The following MPDZ variants were observed in gnomAD, a reference collection of about 807,000 sequenced individuals.
MPDZ encodes the protein multiple PDZ domain protein.
In MPDZ, 234 loss-of-function variants were observed where a neutral mutation model predicts 239.1. The observed-to-expected ratio is 0.98, with a 90% CI of 0.88 to 1.09. The LOEUF (loss-of-function observed/expected upper bound fraction) is 1.09, where lower values mean the gene tolerates loss of function less well. MPDZ is among the 50% of genes least tolerant of loss of function. MPDZ has a pLI of 0.00. For missense variants in MPDZ, 3,175 were observed against 2,510.0 expected, an observed-to-expected ratio of 1.26 and a Z score of -5.66; for synonymous variants, 1,048 against 881.3, an observed-to-expected ratio of 1.19 and a Z score of -3.35.
chr9:13,230,058 A>C (rs1487877486), intron 3 of MPDZ, among the ~76,000 whole-genome samples: 2 of 152,178 alleles, frequency 1.3e-5, no homozygotes, highest in African/African-American at 4.8e-5. Context: ...GAAAGAGGAT[A>C]TATGGCTGGC....
chr9:13,256,062 A>C (rs1472911004), intron 1 of MPDZ, among the ~76,000 whole-genome samples: 1 of 152,158 alleles, frequency 6.6e-6, no homozygotes, highest in Non-Finnish European at 1.5e-5. Context: ...AGCTTTCTGA[A>C]GGCTCTACAT....
intron 39 of MPDZ, 84 bp downstream of exon 39, chr9:13,119,418 A>G: frequency 6.9e-7 from 1 of 1,451,172 alleles, no homozygotes; most frequent in Non-Finnish European, 9.3e-7. Context: ...AGAAGTCATT[A>G]CTAATTTGAC....
At chr9:13,269,573 CCAAAA>C (rs1564172174) in intron 1 of MPDZ, among the ~76,000 whole-genome samples, 2 of 152,096 alleles carry the variant, frequency 1.3e-5, no homozygotes, top group Non-Finnish European at 2.9e-5. Context: ...CCATACTAAA[CCAAAA>C]CAAATGTACC....
At chr9:13,272,768 G>A (rs969948668) in intron 1 of MPDZ, among the ~76,000 whole-genome samples, 2 of 151,310 alleles carry the variant, frequency 1.3e-5, no homozygotes, top group Non-Finnish European at 2.9e-5. Flanking sequence ...ATTCAGGCCT[G>A]ACTTATTAAA....
At position 13,126,837 on chromosome 9, in the gene MPDZ, C is replaced by A. The variant is rs187866874; in HGVS notation, c.4465-65G>T. 5,339 of 1,354,748 alleles carry A rather than the reference C, an allele frequency of 3.9e-3. 15 individuals are homozygous for A. Among genetic ancestry groups the A allele is most frequent in the Non-Finnish European group, 5.2e-3 (4,929 of 948,096 alleles). The allele number at this position is 1,354,748 out of a possible 1,614,324, so 83.9% of individuals were successfully genotyped here. A position where few individuals can be genotyped will look rare whatever the true frequency, so the allele number is the denominator to read the frequency against. On this transcript the variant is annotated intron_variant, in intron 32 of 46. Coordinates refer to ENST00000319217, the MANE Select transcript of MPDZ (RefSeq NM_001378778.1). ...CAGATTAATTTTATCCAAATGGATA[C>A]CAAGGGTAAGAAAAACAACTAAAAC...
chr9:13,202,388 T>C (rs1438092511), intron 12 of MPDZ, among the ~76,000 whole-genome samples: 1 of 152,190 alleles, frequency 6.6e-6, no homozygotes, highest in African/African-American at 2.4e-5. Flanking sequence ...GGCCAGGAGA[T>C]GGCTCCATGA....
At chr9:13,129,211 C>A (rs1022204290) in intron 32 of MPDZ, among the ~76,000 whole-genome samples, 2 of 152,022 alleles carry the variant, frequency 1.3e-5, no homozygotes, top group African/African-American at 4.8e-5. Flanking sequence ...ACCTGTAATC[C>A]CAGCACTTTG....
intron 19 of MPDZ, among the ~76,000 whole-genome samples, chr9:13,181,567 G>A (rs1007993156): frequency 6.6e-6 from 1 of 152,070 alleles, no homozygotes; most frequent in Non-Finnish European, 1.5e-5. Flanking sequence ...TGTCTTCTTT[G>A]TTGTTTTGTA....
chr9:13,225,342 T>C (rs1960218580), intron 3 of MPDZ, among the ~76,000 whole-genome samples: 2 of 152,030 alleles, frequency 1.3e-5, no homozygotes, highest in South Asian at 4.1e-4. Flanking sequence ...TAAGAGTTTT[T>C]TACCTGTCCT....
intron 24 of MPDZ, 129 bp from the exon 25 acceptor site, chr9:13,150,817 A>C: frequency 1.7e-6 from 1 of 575,788 alleles, no homozygotes; most frequent in Non-Finnish European, 2.6e-6. Context: ...AAATAGATAA[A>C]ATGTACTTTA....
Position 13,186,394 on chromosome 9 carries a change from G to T in MPDZ, c.2365-8C>A. The T allele has an allele frequency of 6.6e-7, 1 of 1,521,808 alleles. No individual in the cohort carries two copies. The highest frequency in any genetic ancestry group is 9.0e-7 in the Non-Finnish European group (1 of 1,116,646). 94.3% of individuals were successfully genotyped at this position (1,521,808 alleles called of 1,614,324 possible). A position where few individuals can be genotyped will look rare whatever the true frequency, so the allele number is the denominator to read the frequency against. The stretch of plus-strand genomic sequence containing the variant: ...ACCTTCTTCTGGTGAAAGCTGCAGG[G>T]AAAAAATGGTATTCATGGAAAAGAG... On this transcript the variant is annotated splice_polypyrimidine_tract_variant and splice_region_variant and intron_variant, in intron 17 of 46. Coordinates refer to ENST00000319217, the MANE Select transcript of MPDZ (RefSeq NM_001378778.1).
At chr9:13,112,957 T>C (rs1033765429) in intron 42 of MPDZ, 54 bp downstream of exon 42, 9 of 1,461,630 alleles carry the variant, frequency 6.2e-6, no homozygotes, top group African/African-American at 5.6e-5. Context: ...AAAACACATA[T>C]GAAGATGTCT....
In MPDZ at chr9:13,256,829, T is replaced by C. The variant is rs192448565; in HGVS notation, c.-57-6457A>G. Reference sequence around the variant, plus strand: ...CAGACACAAAGTAAGCATGTGCTGTTGGAAAAAAATGGCACCAATAGACTT... The same window carrying C: ...CAGACACAAAGTAAGCATGTGCTGTCGGAAAAAAATGGCACCAATAGACTT... On this transcript the variant is annotated intron_variant, in intron 1 of 46. Transcript: ENST00000319217. Among the ~76,000 whole-genome samples the C allele has an allele frequency of 3.3e-5, 5 of 152,260 alleles. No individual in the cohort carries two copies. The East Asian group carries it at 9.7e-4, about 29-fold the overall frequency.
rs1242945935 is a variant in MPDZ, at chr9:13,115,306, A to G, written c.5408T>C (p.Val1803Ala). ...GAATGGACCAGCTTTGATTCTTCCA[A>G]CTTCCAAGGTTACTGTGCCTAGGGA... is the stretch of plus-strand genomic sequence containing the variant. Reference protein sequence around the residue: ...KCSLGTVTLEVGRIKAGPFHS... With the variant: ...KCSLGTVTLEAGRIKAGPFHS... The change falls in exon 40 of 47, where the codon GTT becomes GCT. Residue 1803 changes from valine to alanine, a missense_variant. Coordinates refer to ENST00000319217, the MANE Select transcript of MPDZ (RefSeq NM_001378778.1). 3.1e-6 allele frequency: 5 copies of G among 1,612,562 alleles called. No individual in the cohort carries two copies. In the African/African-American group the frequency reaches 5.3e-5, roughly 17 times the overall value.
At chr9:13,146,382 C>T (rs865883612) in intron 26 of MPDZ, among the ~76,000 whole-genome samples, 4 of 152,006 alleles carry the variant, frequency 2.6e-5, no homozygotes, top group African/African-American at 7.3e-5. Context: ...TGAACCTTAA[C>T]ATCTTAAATT....
chr9:13,243,597 T>C (rs1167900286), intron 3 of MPDZ, among the ~76,000 whole-genome samples: 2 of 152,200 alleles, frequency 1.3e-5, no homozygotes, highest in African/African-American at 2.4e-5. Flanking sequence ...TTTTACATCA[T>C]GAAGATCTCA....
At chr9:13,177,132 A>C (rs1190995172) in intron 19 of MPDZ, among the ~76,000 whole-genome samples, 1 of 152,154 alleles carries the variant, frequency 6.6e-6, no homozygotes, top group Non-Finnish European at 1.5e-5. Context: ...GTTCTATATA[A>C]ATATGTATAT....
chr9:13,215,317 AT>A (rs1219974270), intron 10 of MPDZ, among the ~76,000 whole-genome samples: 1 of 151,700 alleles, frequency 6.6e-6, no homozygotes, highest in African/African-American at 2.4e-5. Flanking sequence ...ACTGAATAAC[AT>A]TCTATTGGAT....
intron 38 of MPDZ, chr9:13,119,872 TA>T (rs1286790357): frequency 1.8e-6 from 1 of 548,120 alleles, no homozygotes; most frequent in Non-Finnish European, 3.2e-6. Flanking sequence ...CCAATAAGCA[TA>T]TTTATTCTTC....
Sources: allele counts gnomAD v4.1 joint callset (sites outside exome capture counted in the v4.1 genomes callset), GRCh38; gene constraint gnomAD v4.1.1; transcripts MANE v1.5; gene names NCBI Gene and HGNC (gene_info 2026-07-23, HGNC 2026-07-21).